FHAD1: variants seen among roughly 807,000 people sequenced by gnomAD.
FHAD1 encodes forkhead associated phosphopeptide binding domain 1.
Under a neutral mutation model 191.3 loss-of-function variants are expected in FHAD1, and 146 were observed. That is an observed-to-expected ratio of 0.76 (90% CI 0.67 to 0.88). FHAD1 has a LOEUF of 0.88. FHAD1 is among the 40% of genes least tolerant of loss of function. FHAD1 has a pLI of 0.00. For synonymous variants in FHAD1, 616 were observed against 672.3 expected (o/e 0.92, Z 1.29); for missense variants, 1,635 against 1,785.8 (o/e 0.92, Z 1.52).
chr1:15,286,344 A>C (rs1279482832), intron 3 of FHAD1, among the ~76,000 whole-genome samples: 1 of 152,146 alleles, frequency 6.6e-6, no homozygotes, highest in Non-Finnish European at 1.5e-5. Flanking sequence ...TTCTACAAAA[A>C]ATACAAAATT....
chr1:15,395,035 T>C lies in FHAD1; in HGVS notation c.4324-2262T>C, dbSNP rs538469156. The stretch of plus-strand genomic sequence containing the variant: ...GCCTCATAAAACCTATGGGAAAGGC[T>C]GGGTGCGGTGGCTCACGCCTGTAAT... On this transcript the variant is annotated intron_variant, in intron 33 of 33. Transcript: ENST00000688493. 7.2e-5 allele frequency among the ~76,000 whole-genome samples: 11 copies of C among 152,214 alleles called. No homozygotes were observed. In the South Asian group the frequency reaches 1.2e-3, roughly 17 times the overall value.
In FHAD1 at chr1:15,329,150, C is replaced by A; in HGVS notation, c.1711-196C>A. ...GGGTTCGCTTTGACCATCAAAAGTC[C>A]AAATTAGAGTATTAAAAAAAAACCT... On this transcript the variant is annotated intron_variant, in intron 13 of 33. Coordinates refer to ENST00000688493, the MANE Select transcript of FHAD1 (RefSeq NM_001391957.1). The surrounding 1 kb of genome is among the most constrained non-coding windows in gnomAD (Gnocchi z 5.0). 2.1e-6 allele frequency: 1 copy of A among 467,114 alleles called. No individual in the cohort carries two copies. Among genetic ancestry groups the A allele is most frequent in the Non-Finnish European group, 3.8e-6 (1 of 260,764 alleles). The allele number at this position is 467,114 out of a possible 1,614,324, so 28.9% of individuals were successfully genotyped here. A position where few individuals can be genotyped will look rare whatever the true frequency, so the allele number is the denominator to read the frequency against.
At chr1:15,237,856 C>G (rs74720261) in intron 1 of FHAD1, among the ~76,000 whole-genome samples, 2,351 of 152,106 alleles carry the variant, frequency 0.015, 62 homozygotes, top group African/African-American at 0.054. Context: ...CAGAGGAAAC[C>G]TGAGAAGAAA....
At chr1:15,294,072 A>G (rs1289594337) in intron 4 of FHAD1, among the ~76,000 whole-genome samples, 4 of 152,122 alleles carry the variant, frequency 2.6e-5, no homozygotes, top group African/African-American at 9.7e-5. Flanking sequence ...AGGGGCTTCC[A>G]TCTTCCTGTA....
In FHAD1 at chr1:15,276,665, G is replaced by C. The variant is rs1276265985; in HGVS notation, c.300+4136G>C. ...AAAACACAAAAAATTAGCCAGGCGT[G>C]GTGGCACATACCTATAGTCCCAGCT... On this transcript the variant is annotated intron_variant, in intron 3 of 33. Coordinates refer to ENST00000688493, the MANE Select transcript of FHAD1 (RefSeq NM_001391957.1). This position sits in a 1 kb window ranked among gnomAD's most constrained non-coding sequence, Gnocchi z 4.7. Among the ~76,000 whole-genome samples the C allele has an allele frequency of 2.0e-5, 3 of 152,116 alleles. No individual in the cohort carries two copies. Among genetic ancestry groups the C allele is most frequent in the Non-Finnish European group, 4.4e-5 (3 of 68,040 alleles).
intron 33 of FHAD1, among the ~76,000 whole-genome samples, chr1:15,396,083 G>A (rs759666674): frequency 5.9e-5 from 9 of 152,352 alleles, no homozygotes; most frequent in Admixed American, 1.3e-4. Flanking sequence ...GCCAAGGAGA[G>A]CAGATCACTT....
intron 19 of FHAD1, among the ~76,000 whole-genome samples, chr1:15,349,522 G>A (rs1300619431): frequency 1.3e-5 from 2 of 152,224 alleles, no homozygotes; most frequent in Non-Finnish European, 2.9e-5. Flanking sequence ...CAGGGGCTTA[G>A]TGAGCATCAT....
chr1:15,399,667 T>C (rs527357582), downstream of FHAD1, among the ~76,000 whole-genome samples: 1 of 152,322 alleles, frequency 6.6e-6, no homozygotes, highest in South Asian at 2.1e-4. Context: ...GAACCTGGTA[T>C]TAGACTGTAC....
At position 15,316,374 on chromosome 1, in the gene FHAD1, A is replaced by G. The variant is rs1674464560; in HGVS notation, c.1171-4A>G. Reference sequence around the variant, plus strand: ...CTCTTTCTGTGTTGCCCTTTTCTCCACAGTGCTCGGTGCTAAAGGAAGAGT... The same window carrying G: ...CTCTTTCTGTGTTGCCCTTTTCTCCGCAGTGCTCGGTGCTAAAGGAAGAGT... On this transcript the variant is annotated splice_polypyrimidine_tract_variant and splice_region_variant and intron_variant, in intron 8 of 33. Transcript: ENST00000688493. The surrounding 1 kb of genome is among the most constrained non-coding windows in gnomAD (Gnocchi z 4.3). 1 of 1,551,308 alleles carries G rather than the reference A, an allele frequency of 6.4e-7. No individual in the cohort carries two copies. The highest frequency in any genetic ancestry group is 1.4e-5 in the African/African-American group (1 of 73,016).
intron 33 of FHAD1, among the ~76,000 whole-genome samples, chr1:15,393,607 C>CT (rs34399811): frequency 0.043 from 6,108 of 142,222 alleles, 298 homozygotes; most frequent in African/African-American, 0.13. Context: ...CAGTCTTGGG[C>CT]TTTTTTTTTT....
Position 15,309,322 on chromosome 1 carries a change from C to T in FHAD1, c.1039+586C>T, listed in dbSNP as rs147544005. 2.5e-3 allele frequency among the ~76,000 whole-genome samples: 385 copies of T among 152,332 alleles called. 6 individuals are homozygous for T. In the East Asian group the frequency reaches 0.029, roughly 11 times the overall value. On this transcript the variant is annotated intron_variant, in intron 7 of 33. Transcript: ENST00000688493. ...TCATTCATTCAGCACATTTATGGAGCAGCTGCTAGATGCCAGGCACTGTTC... is the reference window on the plus strand; with the variant it reads ...TCATTCATTCAGCACATTTATGGAGTAGCTGCTAGATGCCAGGCACTGTTC...
intron 7 of FHAD1, among the ~76,000 whole-genome samples, chr1:15,309,319 G>C (rs1671519466): frequency 6.6e-6 from 1 of 152,140 alleles, no homozygotes; most frequent in Non-Finnish European, 1.5e-5. Flanking sequence ...CACATTTATG[G>C]AGCAGCTGCT....
intron 18 of FHAD1, among the ~76,000 whole-genome samples, chr1:15,347,553 G>A (rs770288122): frequency 7.2e-5 from 11 of 152,142 alleles, no homozygotes; most frequent in Non-Finnish European, 1.3e-4. Context: ...GGGTTCAAAC[G>A]ATTCTCATGC....
At chr1:15,353,427 G>T (rs1458602614) in intron 20 of FHAD1, among the ~76,000 whole-genome samples, 1 of 152,118 alleles carries the variant, frequency 6.6e-6, no homozygotes, top group Non-Finnish European at 1.5e-5. Flanking sequence ...GATGTTGGCT[G>T]GGCGCGGTGG....
At chr1:15,258,251 C>A (rs1193621759) in intron 2 of FHAD1, among the ~76,000 whole-genome samples, 1 of 152,048 alleles carries the variant, frequency 6.6e-6, no homozygotes, top group African/African-American at 2.4e-5. Context: ...CCCAGCCCCC[C>A]AGTCCCTGGC....
In FHAD1 at chr1:15,397,245, T is replaced by C. The variant is rs1706321690; in HGVS notation, c.4324-52T>C. 13 of 818,808 alleles carry C rather than the reference T, an allele frequency of 1.6e-5. 1 individual carries two copies. The South Asian group carries it at 2.4e-4, about 15-fold the overall frequency. 50.7% of individuals were successfully genotyped at this position (818,808 alleles called of 1,614,324 possible). ...TAACAAAACCACTTGAGTGGAACAA[T>C]TGGAGTCTTGCTGCAATGGAGTTTG... On this transcript the variant is annotated intron_variant, in intron 33 of 33. Coordinates refer to ENST00000688493, the MANE Select transcript of FHAD1 (RefSeq NM_001391957.1).
intron 1 of FHAD1, among the ~76,000 whole-genome samples, chr1:15,239,466 T>C (rs767098859): frequency 4.6e-5 from 7 of 152,176 alleles, no homozygotes; most frequent in Non-Finnish European, 7.3e-5. Context: ...TGCATGCCTG[T>C]GGTTCCAGCT....
intron 3 of FHAD1, among the ~76,000 whole-genome samples, chr1:15,281,290 TG>T (rs1398572149): frequency 6.6e-6 from 1 of 152,052 alleles, no homozygotes; most frequent in Non-Finnish European, 1.5e-5. Flanking sequence ...TTCCTGTCCT[TG>T]TAATTGTGTA....
chr1:15,237,774 AAG>A (rs1248880132), intron 1 of FHAD1, among the ~76,000 whole-genome samples: 4 of 149,168 alleles, frequency 2.7e-5, no homozygotes, highest in Non-Finnish European at 4.5e-5. Flanking sequence ...TTCTCGAGAA[AAG>A]AGAGAGTCTG....
Sources: gnomAD v4.1 joint callset for allele counts (sites outside exome capture counted in the v4.1 genomes callset) on GRCh38, gnomAD v4.1.1 for gene constraint, Gnocchi (gnomAD v3.1) non-coding constraint, MANE v1.5 for transcripts, NCBI Gene and HGNC (gene_info 2026-07-23, HGNC 2026-07-21) for gene names.